The following TLE1 variants were observed in gnomAD, a reference collection of about 807,000 sequenced individuals.
The protein encoded by TLE1 is transducin-like enhancer protein 1.
Under a neutral mutation model 89.8 loss-of-function variants are expected in TLE1, and 21 were observed. That is an observed-to-expected ratio of 0.23 (90% CI 0.17 to 0.34). TLE1 has a LOEUF of 0.34. Among genes scored for constraint, TLE1 ranks in the 10% least tolerant of loss-of-function variants. The pLI is 1.00. For missense variants in TLE1, 795 were observed against 1,031.2 expected (o/e 0.77, Z 3.14); for synonymous variants, 447 against 407.6 (o/e 1.10, Z -1.16).
Position 81,593,005 on chromosome 9 carries a change from A to T in TLE1, c.1581+20T>A. 1 of 1,601,160 alleles carries T rather than the reference A, an allele frequency of 6.2e-7. No homozygotes were observed. The highest frequency in any genetic ancestry group is 8.6e-7 in the Non-Finnish European group (1 of 1,169,412). Reference sequence around the variant, plus strand: ...CTCCAGGGAGAAATTGCCCTTGTGCACCAGTTCCTGTTCACTCACCAGACA... The same window carrying T: ...CTCCAGGGAGAAATTGCCCTTGTGCTCCAGTTCCTGTTCACTCACCAGACA... On this transcript the variant is annotated intron_variant, in intron 15 of 19. Transcript: ENST00000376499.
intron 8 of TLE1, among the ~76,000 whole-genome samples, chr9:81,624,690 T>A (rs1473932908): frequency 1.3e-5 from 2 of 152,184 alleles, no homozygotes. Context: ...AGGATTTTTT[T>A]AAAGACTTTA....
intron 15 of TLE1, 39 bp downstream of exon 15, chr9:81,592,986 G>A: frequency 6.3e-7 from 1 of 1,590,164 alleles, no homozygotes; most frequent in South Asian, 1.1e-5. Context: ...GAATCTCCAG[G>A]GAGAAATTGC....
At chr9:81,605,545 T>C (rs948977797) in intron 14 of TLE1, among the ~76,000 whole-genome samples, 13 of 152,138 alleles carry the variant, frequency 8.5e-5, no homozygotes, top group African/African-American at 3.1e-4. Context: ...CTCATACTAA[T>C]TAATAGATAT....
chr9:81,612,299 A>C, intron 12 of TLE1: 1 of 1,072,974 alleles, frequency 9.3e-7, no homozygotes, highest in South Asian at 4.5e-5. Flanking sequence ...TACCTGACTT[A>C]ATCTCAAAAG....
intron 8 of TLE1, among the ~76,000 whole-genome samples, chr9:81,626,451 T>C (rs1825920326): frequency 6.6e-6 from 1 of 152,190 alleles, no homozygotes; most frequent in Admixed American, 6.5e-5. Context: ...TCACGTACTC[T>C]GCCTAACACT....
intron 16 of TLE1, among the ~76,000 whole-genome samples, chr9:81,589,202 C>T (rs1051005111): frequency 2.0e-5 from 3 of 152,086 alleles, no homozygotes; most frequent in African/African-American, 4.8e-5. Flanking sequence ...ATCCAGTGAC[C>T]CTCTGACTTC....
chr9:81,592,473 A>G (rs1214362520), intron 15 of TLE1, among the ~76,000 whole-genome samples: 1 of 152,226 alleles, frequency 6.6e-6, no homozygotes, highest in African/African-American at 2.4e-5. Context: ...CTGGGAAAGC[A>G]TTCTCACTGC....
chr9:81,631,077 T>G (rs1826531989), intron 8 of TLE1, among the ~76,000 whole-genome samples: 1 of 152,176 alleles, frequency 6.6e-6, no homozygotes, highest in African/African-American at 2.4e-5. Flanking sequence ...AAATTTGATA[T>G]AAAAAAGATA....
intron 6 of TLE1, among the ~76,000 whole-genome samples, chr9:81,645,704 C>A (rs1427480723): frequency 6.6e-6 from 1 of 152,070 alleles, no homozygotes; most frequent in Admixed American, 6.5e-5. Flanking sequence ...CAAGCCACTG[C>A]ACTCCAGCCT....
At position 81,613,540 on chromosome 9, in the gene TLE1, T is replaced by C. The variant is rs1172154950; in HGVS notation, c.919-19A>G. 6.2e-7 allele frequency: 1 copy of C among 1,612,888 alleles called. No homozygotes were observed. Among genetic ancestry groups the C allele is most frequent in the African/African-American group, 1.3e-5 (1 of 74,860 alleles). ...TTTCATGCTGGTGTCATTAAACAAA[T>C]TAAATGAGTATTATTTTTAATCCAA... On this transcript the variant is annotated intron_variant, in intron 11 of 19. Transcript: ENST00000376499.
intron 6 of TLE1, among the ~76,000 whole-genome samples, chr9:81,651,179 A>G (rs1181168971): frequency 2.6e-5 from 4 of 152,248 alleles, no homozygotes; most frequent in East Asian, 1.9e-4. Context: ...GCAGGGCATC[A>G]TCTCACAAGC....
intron 14 of TLE1, among the ~76,000 whole-genome samples, chr9:81,606,773 A>C (rs1021931844): frequency 3.3e-5 from 5 of 151,284 alleles, no homozygotes; most frequent in Non-Finnish European, 7.4e-5. Context: ...CTTAAAGTAT[A>C]ATTAAAAAAA....
At chr9:81,682,558 A>G (rs987521538) in intron 4 of TLE1, among the ~76,000 whole-genome samples, 2 of 152,236 alleles carry the variant, frequency 1.3e-5, no homozygotes, top group Admixed American at 6.5e-5. Flanking sequence ...TTATGTGTGC[A>G]TTTACAGTAC....
Position 81,670,666 on chromosome 9 carries a change from ATTAAC to A in TLE1, c.234+15005_234+15009del, listed in dbSNP as rs200061519. Among the ~76,000 whole-genome samples the A allele has an allele frequency of 7.7e-3, 1,163 of 150,428 alleles. 11 individuals are homozygous for A. Among genetic ancestry groups the A allele is most frequent in the African/African-American group, 0.025 (1,011 of 40,884 alleles). ...AAGCAACAATTGTTACTTATTCCTTATTAACTTTGAGCAATTTCAGCACTTTGAGA... is the reference window on the plus strand; with the variant it reads ...AAGCAACAATTGTTACTTATTCCTTATTTGAGCAATTTCAGCACTTTGAGA... On this transcript the variant is annotated intron_variant, in intron 4 of 19. Transcript: ENST00000376499.
At chr9:81,637,175 T>C (rs1208944791) in intron 6 of TLE1, among the ~76,000 whole-genome samples, 1 of 151,954 alleles carries the variant, frequency 6.6e-6, no homozygotes, top group African/African-American at 2.4e-5. Flanking sequence ...CTGACCAACA[T>C]AGTGAAACCC....
intron 8 of TLE1, chr9:81,620,812 T>C: frequency 2.4e-6 from 3 of 1,238,930 alleles, no homozygotes; most frequent in Non-Finnish European, 3.2e-6. Context: ...TGTGCTTCTG[T>C]CCTATTTACT....
At chr9:81,600,058 T>G (rs1471887246) in intron 14 of TLE1, 1 of 728,514 alleles carries the variant, frequency 1.4e-6, no homozygotes, top group African/African-American at 1.7e-5. Context: ...AGGACCTAAC[T>G]TCCTCTATCA....
At chr9:81,627,607 T>G (rs911851798) in intron 8 of TLE1, among the ~76,000 whole-genome samples, 7 of 152,208 alleles carry the variant, frequency 4.6e-5, no homozygotes, top group African/African-American at 1.7e-4. Context: ...CCCAGGAGTC[T>G]GCTTAAGAAA....
intron 6 of TLE1, among the ~76,000 whole-genome samples, chr9:81,648,256 G>C (rs1401529876): frequency 1.1e-4 from 15 of 130,570 alleles, no homozygotes; most frequent in Admixed American, 8.6e-4. Context: ...CTGGGTTACA[G>C]AGTAACACTG....
Sources: allele counts gnomAD v4.1 joint callset (sites outside exome capture counted in the v4.1 genomes callset), GRCh38; gene constraint gnomAD v4.1.1; transcripts MANE v1.5; gene names NCBI Gene and HGNC (gene_info 2026-07-23, HGNC 2026-07-21).